MYO16: variants seen among roughly 807,000 people sequenced by gnomAD.
MYO16 encodes myosin XVI, also known as unconventional myosin-XVI.
A neutral mutation model predicts 205.3 loss-of-function variants in MYO16; 94 were observed. That is an observed-to-expected ratio of 0.46 (90% CI 0.39 to 0.54). The LOEUF is 0.54. MYO16 is among the 20% of genes least tolerant of loss of function. MYO16 has a pLI of 0.00. For missense variants in MYO16, 2,315 were observed against 2,387.5 expected (o/e 0.97, Z 0.63); for synonymous variants, 988 against 954.0 (o/e 1.04, Z -0.66).
Position 109,165,079 on chromosome 13 carries a change from A to G in MYO16, c.5323+20A>G. 1 of 1,569,384 alleles carries G rather than the reference A, an allele frequency of 6.4e-7. No individual in the cohort carries two copies. Among genetic ancestry groups the G allele is most frequent in the Non-Finnish European group, 8.6e-7 (1 of 1,158,500 alleles). ...CAAATGGTAAGCACTTTTTAAACTC[A>G]GAAGTAAATGTACAAAAGTTTTAGG... On this transcript the variant is annotated intron_variant, in intron 33 of 34. Coordinates refer to ENST00000457511, the MANE Select transcript of MYO16 (RefSeq NM_001198950.3).
chr13:108,785,076 T>G (rs1207269987), intron 4 of MYO16, among the ~76,000 whole-genome samples: 1 of 152,122 alleles, frequency 6.6e-6, no homozygotes, highest in Non-Finnish European at 1.5e-5. Flanking sequence ...GATCATGCCT[T>G]TTGTTAGAAG....
intron 27 of MYO16, among the ~76,000 whole-genome samples, chr13:109,092,878 C>G (rs1189822807): frequency 6.6e-6 from 1 of 152,158 alleles, no homozygotes; most frequent in Non-Finnish European, 1.5e-5. Flanking sequence ...CATCACTTTC[C>G]TTGGGTTCTT....
chr13:108,763,975 C>G (rs540881227), intron 4 of MYO16, among the ~76,000 whole-genome samples: 1 of 152,072 alleles, frequency 6.6e-6, no homozygotes. Flanking sequence ...CCGATAAACT[C>G]GATTCAAAAG....
At chr13:108,787,407 C>T (rs1034277366) in intron 5 of MYO16, among the ~76,000 whole-genome samples, 2 of 152,134 alleles carry the variant, frequency 1.3e-5, no homozygotes, top group Admixed American at 1.3e-4. Context: ...TTATTATTTC[C>T]TGCTTTTTCT....
In MYO16 at chr13:108,866,200, G is replaced by T; in HGVS notation, c.1383G>T (p.Leu461Phe). The T allele has an allele frequency of 6.2e-7, 1 of 1,601,476 alleles. No homozygotes were observed. The highest frequency in any genetic ancestry group is 8.5e-7 in the Non-Finnish European group (1 of 1,172,986). Reference protein sequence around the residue: ...QIYTFIGDILLLVNPYKELPI... With the variant: ...QIYTFIGDILFLVNPYKELPI... Reference sequence around the variant, plus strand: ...AGACATTCATTGGAGACATTCTTTTGCTTGTTAACCCATACAAGGAGCTTC... The same window carrying T: ...AGACATTCATTGGAGACATTCTTTTTCTTGTTAACCCATACAAGGAGCTTC... The change falls in exon 12 of 35, where the codon TTG becomes TTT. Residue 461 changes from leucine (L) to phenylalanine (F), a missense_variant. Physicochemically the swap from Leu to Phe is conservative, Grantham distance 22 (BLOSUM62 0). This residue lies in a region of MYO16 where 1,213 missense variants were observed against 1,274.4 expected (regional missense o/e 0.95). Coordinates refer to ENST00000457511, the MANE Select transcript of MYO16 (RefSeq NM_001198950.3).
intron 12 of MYO16, among the ~76,000 whole-genome samples, chr13:108,869,495 C>T (rs1320182626): frequency 6.6e-6 from 1 of 151,322 alleles, no homozygotes. Context: ...GAGGCCGAGG[C>T]GGGCGAATCA....
the MYO16 span, among the ~76,000 whole-genome samples, chr13:108,496,643 C>T: frequency 6.6e-6 from 1 of 152,170 alleles, no homozygotes; most frequent in African/African-American, 2.4e-5. Context: ...CCCTAGTACG[C>T]CCCCGAAAGG....
intron 20 of MYO16, among the ~76,000 whole-genome samples, chr13:108,983,678 C>A (rs1040948216): frequency 6.6e-6 from 1 of 152,134 alleles, no homozygotes; most frequent in Non-Finnish European, 1.5e-5. Context: ...TGAAGATGAC[C>A]TCTCCCAGCT....
intron 1 of MYO16, among the ~76,000 whole-genome samples, chr13:108,649,160 C>A (rs532158923): frequency 6.6e-6 from 1 of 151,918 alleles, no homozygotes; most frequent in Non-Finnish European, 1.5e-5. Context: ...ACCAATATGG[C>A]GCATGGATAC....
intron 16 of MYO16, among the ~76,000 whole-genome samples, chr13:108,931,680 T>C (rs1882263409): frequency 6.6e-6 from 1 of 152,208 alleles, no homozygotes; most frequent in Non-Finnish European, 1.5e-5. Context: ...GGCACCATCA[T>C]TCACACATAA....
Position 108,806,712 on chromosome 13 carries a change from G to A in MYO16, c.775G>A (p.Val259Met). 3 of 1,613,272 alleles carry A rather than the reference G, an allele frequency of 1.9e-6. No individual in the cohort carries two copies. Among genetic ancestry groups the A allele is most frequent in the Non-Finnish European group, 2.5e-6 (3 of 1,179,354 alleles). The change falls in exon 7 of 35, where the codon GTG (valine) becomes ATG (methionine). Residue 259 changes from valine to methionine, a missense_variant. Physicochemically the swap from Val to Met is conservative, Grantham distance 21. This residue lies in a region of MYO16 where 1,213 missense variants were observed against 1,274.4 expected (regional missense o/e 0.95). Transcript: ENST00000457511. ...HMACASGYKE[V>M]VSLILEHGGD... Reference sequence around the variant, plus strand: ...GGCGTGTGCGAGTGGCTACAAGGAGGTGGTGTCTCTTATCCTGGAACATGG... The same window carrying A: ...GGCGTGTGCGAGTGGCTACAAGGAGATGGTGTCTCTTATCCTGGAACATGG...
intron 20 of MYO16, among the ~76,000 whole-genome samples, chr13:108,978,791 G>A (rs923319038): frequency 6.6e-5 from 10 of 151,914 alleles, no homozygotes; most frequent in Admixed American, 5.9e-4. Flanking sequence ...CTCCTTTAAT[G>A]TCTGGTGAAA....
chr13:109,114,768 T>C (rs575000703), intron 28 of MYO16, among the ~76,000 whole-genome samples: 33 of 152,358 alleles, frequency 2.2e-4, no homozygotes, highest in Non-Finnish European at 3.8e-4. Context: ...CAGAACCATG[T>C]GACCTGAGCT....
chr13:108,777,789 G>A lies in MYO16; in HGVS notation c.508-7846G>A, dbSNP rs185860336. Among the ~76,000 whole-genome samples, 230 of 152,216 alleles carry A rather than the reference G, an allele frequency of 1.5e-3. 1 individual carries two copies. Among genetic ancestry groups the A allele is most frequent in the Admixed American group, 7.5e-3 (114 of 15,300 alleles). On this transcript the variant is annotated intron_variant, in intron 4 of 34. Transcript: ENST00000457511. The stretch of plus-strand genomic sequence containing the variant: ...TTTGTCTAATGTTGTAAGAATCCAC[G>A]TTTACCTGTGTTCCCCAGGTATGTA...
the MYO16 span, among the ~76,000 whole-genome samples, chr13:108,574,727 A>G: frequency 4.8e-5 from 7 of 146,988 alleles, no homozygotes; most frequent in Non-Finnish European, 7.5e-5. Context: ...GTGTATTTGT[A>G]TATGTATGAG....
At position 109,109,957 on chromosome 13, in the gene MYO16, T is replaced by G. The variant is rs112001194; in HGVS notation, c.3438+9070T>G. Among the ~76,000 whole-genome samples the G allele has an allele frequency of 6.6e-4, 101 of 152,320 alleles. 1 individual carries two copies. Among genetic ancestry groups the G allele is most frequent in the African/African-American group, 2.3e-3 (96 of 41,574 alleles). On this transcript the variant is annotated intron_variant, in intron 28 of 34. Coordinates refer to ENST00000457511, the MANE Select transcript of MYO16 (RefSeq NM_001198950.3). ...TGCAGGATAAAAAACCATGGTATCATGTTTTTAGAAGAAAAGCACACATCA... is the reference window on the plus strand; with the variant it reads ...TGCAGGATAAAAAACCATGGTATCAGGTTTTTAGAAGAAAAGCACACATCA...
chr13:108,502,340 ATTAT>A, the MYO16 span, among the ~76,000 whole-genome samples: 1 of 152,188 alleles, frequency 6.6e-6, no homozygotes, highest in Admixed American at 6.5e-5. Flanking sequence ...TTTGATGCTT[ATTAT>A]TTATCTACAA....
At chr13:108,517,221 C>T in the MYO16 span, among the ~76,000 whole-genome samples, 421 of 152,268 alleles carry the variant, frequency 2.8e-3, 1 homozygote, top group Middle Eastern at 0.014. Context: ...TGAGCCACTG[C>T]GCCTGGCTGC....
intron 4 of MYO16, among the ~76,000 whole-genome samples, chr13:108,749,928 T>C (rs567735943): frequency 1.3e-5 from 2 of 152,290 alleles, no homozygotes; most frequent in East Asian, 3.9e-4. Context: ...ATCCATGTAA[T>C]GGAACAGGAG....
Sources: allele counts gnomAD v4.1 joint callset (sites outside exome capture counted in the v4.1 genomes callset), GRCh38; gene constraint gnomAD v4.1.1; regional missense constraint gnomAD v4.1.1; transcripts MANE v1.5; gene names NCBI Gene and HGNC (gene_info 2026-07-23, HGNC 2026-07-21).